The following NXN variants were observed in gnomAD, a reference collection of about 807,000 sequenced individuals.
NXN encodes the protein nucleoredoxin.
NXN carries 16 observed loss-of-function variants against 48.6 expected under a neutral mutation model. The ratio of observed to expected loss-of-function variants is 0.33; its 90% CI spans 0.22 to 0.50. The LOEUF (loss-of-function observed/expected upper bound fraction) is 0.50. Among genes scored for constraint, NXN ranks in the 20% least tolerant of loss-of-function variants. NXN has a pLI of 0.98. For synonymous variants in NXN, 281 were observed against 269.6 expected (o/e 1.04, Z -0.41); for missense variants, 492 against 605.5 (o/e 0.81, Z 1.97).
chr17:929,934 G>C lies in NXN; in HGVS notation c.360+49385C>G, dbSNP rs1163445573. ...GCAGTTTGCTCTTTAAGATCTCCTT[G>C]GTAACACATCTAACTGGTATCTGAA... On this transcript the variant is annotated intron_variant, in intron 1 of 7. Transcript: ENST00000336868. The C allele has an allele frequency of 2.7e-5, 4 of 149,890 alleles. No homozygotes were observed. In the Admixed American group the frequency reaches 2.7e-4, roughly 10 times the overall value. The allele number at this position is 149,890 out of a possible 1,614,324, so 9.3% of individuals were successfully genotyped here. A position where few individuals can be genotyped will look rare whatever the true frequency, so the allele number is the denominator to read the frequency against.
intron 1 of NXN, among the ~76,000 whole-genome samples, chr17:853,038 C>T (rs112866593): frequency 0.01 from 1,584 of 151,804 alleles, 24 homozygotes; most frequent in African/African-American, 0.036. Flanking sequence ...AGTGCAATGG[C>T]GCAATCTCAG....
intron 1 of NXN, among the ~76,000 whole-genome samples, chr17:857,971 CT>C (rs57517105): frequency 0.063 from 8,892 of 140,460 alleles, 209 homozygotes; most frequent in South Asian, 0.16. Flanking sequence ...AGATATAAAT[CT>C]TTTTTTTTTT....
At chr17:885,861 T>C (rs2068341300) in intron 1 of NXN, among the ~76,000 whole-genome samples, 1 of 149,256 alleles carries the variant, frequency 6.7e-6, no homozygotes, top group South Asian at 2.1e-4. Flanking sequence ...TTTTTTTTTG[T>C]ATTTTTTTAG....
At chr17:809,223 G>A (rs946363759) in intron 5 of NXN, among the ~76,000 whole-genome samples, 2 of 152,192 alleles carry the variant, frequency 1.3e-5, no homozygotes, top group African/African-American at 2.4e-5. Context: ...ACACTCCTGG[G>A]CTTGGAACAC....
chr17:957,575 T>G (rs1461889897), intron 1 of NXN, among the ~76,000 whole-genome samples: 3 of 149,580 alleles, frequency 2.0e-5, no homozygotes, highest in Admixed American at 6.7e-5. Context: ...TAGGTTGCAG[T>G]GAGCCAAGAT....
At chr17:806,949 C>T (rs1239270598) in intron 5 of NXN, among the ~76,000 whole-genome samples, 1 of 138,380 alleles carries the variant, frequency 7.2e-6, no homozygotes. Flanking sequence ...CACACACACG[C>T]ACGCGCCCAC....
intron 1 of NXN, among the ~76,000 whole-genome samples, chr17:876,539 C>T (rs1254373571): frequency 6.6e-6 from 1 of 152,152 alleles, no homozygotes; most frequent in Non-Finnish European, 1.5e-5. Context: ...GAAGAAAGCA[C>T]CTGGAGAGTA....
At chr17:837,071 C>T (rs1442157112) in intron 1 of NXN, among the ~76,000 whole-genome samples, 6 of 152,030 alleles carry the variant, frequency 3.9e-5, no homozygotes, top group African/African-American at 7.2e-5. Context: ...CTCCACCACC[C>T]GGGCTCACGT....
chr17:892,357 G>A (rs1445368581), intron 1 of NXN, among the ~76,000 whole-genome samples: 3 of 152,182 alleles, frequency 2.0e-5, no homozygotes, highest in Non-Finnish European at 4.4e-5. Context: ...AATTTAAGAC[G>A]GTGACAGTTA....
chr17:817,230 A>G (rs1912515476), intron 5 of NXN, among the ~76,000 whole-genome samples: 1 of 152,118 alleles, frequency 6.6e-6, no homozygotes, highest in Non-Finnish European at 1.5e-5. Flanking sequence ...CACCAAATCC[A>G]AATCTCCATT....
intron 1 of NXN, among the ~76,000 whole-genome samples, chr17:957,600 C>A (rs1425857843): frequency 6.6e-6 from 1 of 151,364 alleles, no homozygotes; most frequent in Non-Finnish European, 1.5e-5. Flanking sequence ...CCACTGCACT[C>A]CAGCCTGGGC....
intron 1 of NXN, among the ~76,000 whole-genome samples, chr17:841,469 C>CCCGCGAGCA (rs1914234139): frequency 1.5e-5 from 2 of 129,912 alleles, no homozygotes; most frequent in African/African-American, 2.7e-5. Flanking sequence ...GCATCTCACA[C>CCCGCGAGCA]GGGCGAGCAG....
chr17:913,927 T>C (rs1451490572), intron 1 of NXN, among the ~76,000 whole-genome samples: 1 of 152,126 alleles, frequency 6.6e-6, no homozygotes, highest in Non-Finnish European at 1.5e-5. Flanking sequence ...TGAGACAGAG[T>C]CTCGCCCTGT....
In NXN at chr17:800,337, T is replaced by G. The variant is rs1238996447; in HGVS notation, c.*612A>C. The stretch of plus-strand genomic sequence containing the variant: ...GATCGTGGGAGCTGTTTGTATGATA[T>G]GAACCATTACCTTAGCTACATTTTT... On this transcript the variant is annotated 3_prime_UTR_variant, in exon 8 of 8. Coordinates refer to ENST00000336868, the MANE Select transcript of NXN (RefSeq NM_022463.5). The G allele has an allele frequency of 6.6e-6, 1 of 152,240 alleles. No individual in the cohort carries two copies. The highest frequency in any genetic ancestry group is 1.9e-4 in the East Asian group (1 of 5,196). The allele number at this position is 152,240 out of a possible 1,614,324, so 9.4% of individuals were successfully genotyped here. A position where few individuals can be genotyped will look rare whatever the true frequency, so the allele number is the denominator to read the frequency against.
chr17:896,462 G>A (rs7210825), intron 1 of NXN, among the ~76,000 whole-genome samples: 35,223 of 151,992 alleles, frequency 0.23, 4,542 homozygotes, highest in Middle Eastern at 0.37. Flanking sequence ...AGCTGTGATC[G>A]TGCCACGGCA....
chr17:966,009 G>C (rs1046957552), intron 1 of NXN, among the ~76,000 whole-genome samples: 5 of 151,786 alleles, frequency 3.3e-5, no homozygotes, highest in Non-Finnish European at 7.4e-5. Context: ...CCAGCTACTC[G>C]AGAGGCTGAG....
chr17:883,827 A>G (rs914090925), intron 1 of NXN, among the ~76,000 whole-genome samples: 28 of 152,156 alleles, frequency 1.8e-4, no homozygotes, highest in Admixed American at 3.9e-4. Flanking sequence ...AATCCCAATC[A>G]GCGTGGGAGG....
intron 1 of NXN, among the ~76,000 whole-genome samples, chr17:856,487 CT>C (rs35579004): frequency 0.069 from 8,320 of 120,976 alleles, 201 homozygotes; most frequent in East Asian, 0.18. Context: ...AAGTACTTGT[CT>C]TTTTTTTTTT....
At chr17:814,762 A>G (rs1007575637) in intron 5 of NXN, among the ~76,000 whole-genome samples, 15 of 150,504 alleles carry the variant, frequency 1.0e-4, no homozygotes, top group Non-Finnish European at 2.1e-4. Context: ...GCAGTGGCTC[A>G]CGCCTGTAAT....
Sources: gnomAD v4.1 joint callset for allele counts (sites outside exome capture counted in the v4.1 genomes callset) on GRCh38, gnomAD v4.1.1 for gene constraint, MANE v1.5 for transcripts, NCBI Gene and HGNC (gene_info 2026-07-23, HGNC 2026-07-21) for gene names.